FYB2: variants seen among roughly 807,000 people sequenced by gnomAD.
FYB2 encodes the protein FYN-binding protein 2.
In FYB2, 103 loss-of-function variants were observed where a neutral mutation model predicts 94.1. The ratio of observed to expected loss-of-function variants is 1.09; its 90% CI spans 0.93 to 1.29. The LOEUF is 1.29. Ranked by LOEUF, FYB2 falls within the 50% of genes most tolerant of loss-of-function variation. The pLI is 0.00. For missense variants in FYB2, 896 were observed against 841.5 expected (o/e 1.06, Z -0.80); for synonymous variants, 293 against 287.9 (o/e 1.02, Z -0.18).
intron 4 of FYB2, among the ~76,000 whole-genome samples, chr1:56,769,344 T>C (rs1645700153): frequency 6.6e-6 from 1 of 152,068 alleles, no homozygotes; most frequent in Admixed American, 6.6e-5. Flanking sequence ...CTAGAATTGG[T>C]GAATTATTTA....
At chr1:56,776,953 G>GATATCAAATAACTTTC (rs1570111199) in intron 4 of FYB2, among the ~76,000 whole-genome samples, 3 of 14,432 alleles carry the variant, frequency 2.1e-4, no homozygotes, top group African/African-American at 5.8e-4. Flanking sequence ...GAAGGCCCAG[G>GATATCAAATAACTTTC]CCGGGCGCGG....
chr1:56,759,664 G>A (rs942845136), intron 5 of FYB2, among the ~76,000 whole-genome samples: 3 of 152,088 alleles, frequency 2.0e-5, no homozygotes, highest in Admixed American at 1.3e-4. Context: ...ACACTGTTCT[G>A]CCACTCCTAC....
chr1:56,821,921 A>G (rs1646995210), upstream of FYB2, among the ~76,000 whole-genome samples: 1 of 152,194 alleles, frequency 6.6e-6, no homozygotes, highest in African/African-American at 2.4e-5. Context: ...AGGTTGACCT[A>G]AGTTGCAACA....
chr1:56,819,199 TC>T, intron 1 of FYB2, 82 bp downstream of exon 1: 1 of 1,597,754 alleles, frequency 6.3e-7, no homozygotes, highest in Non-Finnish European at 8.6e-7. Flanking sequence ...AAGCAGTTTT[TC>T]CCCAGGGCTC....
At chr1:56,804,003 G>A (rs1465617988) in intron 1 of FYB2, among the ~76,000 whole-genome samples, 2 of 152,192 alleles carry the variant, frequency 1.3e-5, no homozygotes, top group African/African-American at 4.8e-5. Flanking sequence ...CTGCCCCACT[G>A]AAATAGAAGC....
chr1:56,772,868 A>T (rs746052825), intron 4 of FYB2, among the ~76,000 whole-genome samples: 9 of 152,246 alleles, frequency 5.9e-5, no homozygotes, highest in Non-Finnish European at 1.2e-4. Context: ...ATTAGAGGAC[A>T]GAAATATTGT....
At chr1:56,813,296 T>C (rs1053510640) in intron 1 of FYB2, among the ~76,000 whole-genome samples, 1 of 151,870 alleles carries the variant, frequency 6.6e-6, no homozygotes. Context: ...CAGTTCCACA[T>C]GGCTGGGGAA....
the FYB2 span, among the ~76,000 whole-genome samples, chr1:56,825,375 C>T: frequency 2.0e-5 from 3 of 152,120 alleles, no homozygotes; most frequent in Non-Finnish European, 4.4e-5. Context: ...GGAAGCTCCA[C>T]GCTTGATGTG....
At chr1:56,803,698 C>T (rs1350143820) in intron 1 of FYB2, among the ~76,000 whole-genome samples, 1 of 152,210 alleles carries the variant, frequency 6.6e-6, no homozygotes, top group Non-Finnish European at 1.5e-5. Context: ...GATCTGGTCC[C>T]AAACCGCCAC....
chr1:56,729,722 A>G (rs554207886), intron 15 of FYB2, among the ~76,000 whole-genome samples: 78 of 152,254 alleles, frequency 5.1e-4, no homozygotes, highest in Admixed American at 1.3e-3. Flanking sequence ...CATGTTCTGT[A>G]TAGTACACAT....
intron 5 of FYB2, among the ~76,000 whole-genome samples, chr1:56,763,648 T>C (rs1570053415): frequency 1.3e-5 from 2 of 151,968 alleles, no homozygotes; most frequent in East Asian, 3.9e-4. Context: ...TTTTCAGCCT[T>C]GCTAGAAGTT....
chr1:56,781,876 CTT>C (rs1426716079), intron 4 of FYB2, among the ~76,000 whole-genome samples: 2 of 152,094 alleles, frequency 1.3e-5, no homozygotes, highest in Non-Finnish European at 2.9e-5. Context: ...TCCCTTTAGT[CTT>C]TGTGCCAGTT....
Position 56,767,718 on chromosome 1 carries a change from G to A in FYB2, c.1063+111C>T, listed in dbSNP as rs1288172588. On this transcript the variant is annotated intron_variant, in intron 5 of 19. Transcript: ENST00000343433. ...AAAGAAAAAGAAATAAGATGGTTGT[G>A]CAGGATGGCTGTGCATTTTTAAACT... The A allele has an allele frequency of 1.2e-5, 9 of 775,748 alleles. No homozygotes were observed. The South Asian group carries it at 1.5e-4, about 13-fold the overall frequency. 48.1% of individuals were successfully genotyped at this position (775,748 alleles called of 1,614,324 possible).
chr1:56,726,356 C>G, intron 16 of FYB2, 141 bp downstream of exon 16: 1 of 673,770 alleles, frequency 1.5e-6, no homozygotes, highest in Non-Finnish European at 2.5e-6. Flanking sequence ...TCAACTGTAC[C>G]ATGATGTAGG....
intron 5 of FYB2, among the ~76,000 whole-genome samples, chr1:56,763,504 CT>C (rs551698798): frequency 6.6e-6 from 1 of 151,918 alleles, no homozygotes; most frequent in East Asian, 1.9e-4. Context: ...GGAATTGTTC[CT>C]TTTTTTATCT....
chr1:56,819,284 C>G lies in FYB2; in HGVS notation c.7G>C (p.Gly3Arg). Residue 3 changes from glycine to arginine, a missense_variant and splice_region_variant, in exon 1 of 20, where the codon GGG (glycine) becomes CGG (arginine). Physicochemically the swap from Gly to Arg is moderately radical, Grantham distance 125. Transcript: ENST00000343433. ...CAACAAAACTGAGACAGCCTTACCC[C>G]TTCCATTGCTTTCCTCCAAGGCAGA... ME[G>R]EGVRNFKELR... 1 of 1,614,226 alleles carries G rather than the reference C, an allele frequency of 6.2e-7. No individual in the cohort carries two copies. Among genetic ancestry groups the G allele is most frequent in the East Asian group, 2.2e-5 (1 of 44,878 alleles).
intron 5 of FYB2, among the ~76,000 whole-genome samples, chr1:56,763,714 G>A (rs947913981): frequency 2.0e-5 from 3 of 151,762 alleles, no homozygotes; most frequent in Non-Finnish European, 4.4e-5. Context: ...CTTGCTAGAA[G>A]TTTGTCAATT....
intron 1 of FYB2, among the ~76,000 whole-genome samples, chr1:56,811,666 A>G (rs1646770072): frequency 1.3e-5 from 2 of 152,232 alleles, no homozygotes; most frequent in Admixed American, 1.3e-4. Flanking sequence ...ATGAGTGGCA[A>G]AGACCAAAGT....
intron 5 of FYB2, among the ~76,000 whole-genome samples, chr1:56,759,313 C>T (rs1222791677): frequency 1.3e-5 from 2 of 152,124 alleles, no homozygotes; most frequent in Non-Finnish European, 2.9e-5. Flanking sequence ...GGGATCTGTT[C>T]TGAGAAATGC....
Sources: allele counts gnomAD v4.1 joint callset (sites outside exome capture counted in the v4.1 genomes callset), GRCh38; gene constraint gnomAD v4.1.1; transcripts MANE v1.5; gene names NCBI Gene and HGNC (gene_info 2026-07-23, HGNC 2026-07-21).